Variants in PDE4D observed in about 807,000 individuals in gnomAD.
The protein encoded by PDE4D is phosphodiesterase 4D, also known as 3',5'-cyclic-AMP phosphodiesterase 4D.
A neutral mutation model predicts 87.4 loss-of-function variants in PDE4D; 24 were observed. The observed-to-expected ratio is 0.27, with a 90% CI of 0.20 to 0.39. The LOEUF is 0.39. PDE4D is among the 10% of genes least tolerant of loss of function. PDE4D has a pLI of 1.00. For missense variants in PDE4D, 714 were observed against 1,041.0 expected (o/e 0.69, Z 4.32); for synonymous variants, 384 against 383.2 (o/e 1.00, Z -0.02).
chr5:60,415,606 G>T (rs1742446985), intron 1 of PDE4D, among the ~76,000 whole-genome samples: 1 of 152,246 alleles, frequency 6.6e-6, no homozygotes, highest in Admixed American at 6.5e-5. Flanking sequence ...TGGGCCAGCA[G>T]CTGCTGCACT....
At chr5:60,028,973 G>A (rs948670446) in intron 2 of PDE4D, among the ~76,000 whole-genome samples, 19 of 152,192 alleles carry the variant, frequency 1.2e-4, no homozygotes, top group African/African-American at 4.6e-4. Context: ...TTAGCATATT[G>A]AGCTCACTCC....
intron 2 of PDE4D, among the ~76,000 whole-genome samples, chr5:60,108,400 G>C (rs954182923): frequency 6.6e-6 from 1 of 152,122 alleles, no homozygotes; most frequent in Non-Finnish European, 1.5e-5. Context: ...TTCATGGGTC[G>C]GAAGAATCAA....
chr5:58,976,233 T>A (rs1743748423), intron 13 of PDE4D, 117 bp downstream of exon 13: 3 of 1,124,770 alleles, frequency 2.7e-6, no homozygotes, highest in East Asian at 2.7e-5. Context: ...CTGCCTACAA[T>A]TGCTGAAAGT....
chr5:60,432,340 A>G (rs2150117620), intron 1 of PDE4D, among the ~76,000 whole-genome samples: 1 of 152,228 alleles, frequency 6.6e-6, no homozygotes, highest in South Asian at 2.1e-4. Flanking sequence ...TACCAGCTCT[A>G]CTTTATATGT....
chr5:59,969,014 A>C (rs1269057533), intron 3 of PDE4D, among the ~76,000 whole-genome samples: 1 of 142,046 alleles, frequency 7.0e-6, no homozygotes, highest in Non-Finnish European at 1.5e-5. Context: ...AAAAAAGAGA[A>C]GCATCTTGAT....
intron 6 of PDE4D, among the ~76,000 whole-genome samples, chr5:59,011,928 G>A (rs1445102543): frequency 1.3e-5 from 2 of 152,178 alleles, no homozygotes; most frequent in Non-Finnish European, 2.9e-5. Context: ...CCCACAAAGG[G>A]AAGCCCATCA....
intron 1 of PDE4D, among the ~76,000 whole-genome samples, chr5:59,303,523 G>A (rs770153448): frequency 5.9e-5 from 9 of 152,160 alleles, no homozygotes; most frequent in Admixed American, 5.2e-4. Flanking sequence ...ATAGTTTCAC[G>A]TCTTAGGTTT....
At chr5:60,104,788 C>T (rs1338457570) in intron 2 of PDE4D, among the ~76,000 whole-genome samples, 5 of 152,196 alleles carry the variant, frequency 3.3e-5, no homozygotes, top group African/African-American at 1.2e-4. Flanking sequence ...TCCAACAGAC[C>T]TGCAGCTGAG....
intron 1 of PDE4D, among the ~76,000 whole-genome samples, chr5:59,398,578 T>G (rs1398139352): frequency 1.7e-5 from 2 of 118,538 alleles, no homozygotes; most frequent in Admixed American, 1.6e-4. Context: ...ATGGGACATA[T>G]TTCAAAATAA....
At chr5:59,076,371 A>G (rs1392352219) in intron 5 of PDE4D, among the ~76,000 whole-genome samples, 1 of 152,164 alleles carries the variant, frequency 6.6e-6, no homozygotes, top group Non-Finnish European at 1.5e-5. Context: ...TTGTATGAAC[A>G]ATTAGGTTTG....
At chr5:58,987,608 C>G (rs572481473) in intron 11 of PDE4D, among the ~76,000 whole-genome samples, 42 of 148,122 alleles carry the variant, frequency 2.8e-4, no homozygotes. Flanking sequence ...GCTATAGGCA[C>G]GAGAAGACTA....
At chr5:59,432,269 A>T (rs12517745) in intron 1 of PDE4D, among the ~76,000 whole-genome samples, 4 of 151,652 alleles carry the variant, frequency 2.6e-5, no homozygotes, top group Non-Finnish European at 4.4e-5. Flanking sequence ...TCCTTTATTA[A>T]TATTAAGTCA....
intron 1 of PDE4D, among the ~76,000 whole-genome samples, chr5:60,425,513 A>G (rs1743617964): frequency 6.6e-6 from 1 of 152,156 alleles, no homozygotes; most frequent in Non-Finnish European, 1.5e-5. Context: ...CCTTCCTTAC[A>G]CCTTATACAA....
At chr5:59,093,843 A>G (rs1371052795) in intron 5 of PDE4D, among the ~76,000 whole-genome samples, 2 of 152,234 alleles carry the variant, frequency 1.3e-5, no homozygotes, top group African/African-American at 4.8e-5. Context: ...GGAAAGAGAG[A>G]GACAGAGGAA....
intron 1 of PDE4D, among the ~76,000 whole-genome samples, chr5:60,196,034 A>C (rs985310906): frequency 1.2e-4 from 18 of 151,704 alleles, no homozygotes; most frequent in African/African-American, 4.3e-4. Flanking sequence ...AATGAATAAT[A>C]TGCAGGCGGT....
At chr5:59,941,962 G>A (rs1049481441) in intron 3 of PDE4D, among the ~76,000 whole-genome samples, 5 of 152,302 alleles carry the variant, frequency 3.3e-5, no homozygotes, top group Admixed American at 1.3e-4. Flanking sequence ...TGGCCAGGAT[G>A]AGAAACACTG....
chr5:60,341,463 T>C (rs144377150), intron 1 of PDE4D, among the ~76,000 whole-genome samples: 57 of 152,296 alleles, frequency 3.7e-4, no homozygotes, highest in African/African-American at 1.3e-3. Context: ...CAGTTCATGC[T>C]AACCCAGAAG....
At chr5:59,405,879 C>T (rs1237186664) in intron 1 of PDE4D, among the ~76,000 whole-genome samples, 1 of 152,164 alleles carries the variant, frequency 6.6e-6, no homozygotes, top group Non-Finnish European at 1.5e-5. Context: ...TGGGAAAAAT[C>T]CCACTTGGTC....
intron 2 of PDE4D, among the ~76,000 whole-genome samples, chr5:60,044,299 A>G (rs1331415849): frequency 6.6e-6 from 1 of 152,134 alleles, no homozygotes; most frequent in African/African-American, 2.4e-5. Flanking sequence ...CATAATAATT[A>G]AAAACAATTT....
Sources: gnomAD v4.1 joint callset for allele counts (sites outside exome capture counted in the v4.1 genomes callset) on GRCh38, gnomAD v4.1.1 for gene constraint, MANE v1.5 for transcripts, NCBI Gene and HGNC (gene_info 2026-07-23, HGNC 2026-07-21) for gene names.